The following MYO9A variants were observed in gnomAD, a reference collection of about 807,000 sequenced individuals.
MYO9A encodes the protein unconventional myosin-IXa.
MYO9A carries 103 observed loss-of-function variants against 293.3 expected under a neutral mutation model. The ratio of observed to expected loss-of-function variants is 0.35; its 90% CI spans 0.30 to 0.41. The LOEUF is 0.41. Ranked by LOEUF, MYO9A falls within the 10% of genes least tolerant of loss-of-function variation. The pLI is 1.00. For synonymous variants in MYO9A, 1,001 were observed against 1,035.7 expected (o/e 0.97, Z 0.64); for missense variants, 2,685 against 3,033.0 (o/e 0.89, Z 2.69).
At chr15:71,940,488 T>C (rs1177169356) in intron 15 of MYO9A, among the ~76,000 whole-genome samples, 3 of 151,922 alleles carry the variant, frequency 2.0e-5, no homozygotes, top group Non-Finnish European at 4.4e-5. Flanking sequence ...TGAGACCCTG[T>C]CTTGGAGCGG....
At chr15:72,031,037 C>A (rs563481143) in intron 3 of MYO9A, among the ~76,000 whole-genome samples, 2 of 152,124 alleles carry the variant, frequency 1.3e-5, no homozygotes, top group South Asian at 2.1e-4. Context: ...GGAATGTAAA[C>A]CCTATTGTGA....
intron 31 of MYO9A, 126 bp downstream of exon 31, chr15:71,877,914 T>C (rs1271905714): frequency 2.7e-6 from 2 of 727,942 alleles, no homozygotes; most frequent in East Asian, 5.7e-5. Flanking sequence ...TAAGTTGACA[T>C]GTTCCCTGTA....
At chr15:72,092,756 T>G (rs566634611) in intron 1 of MYO9A, among the ~76,000 whole-genome samples, 2 of 152,332 alleles carry the variant, frequency 1.3e-5, no homozygotes, top group South Asian at 4.1e-4. Context: ...GAATTTCATA[T>G]GATTTTCATG....
intron 18 of MYO9A, among the ~76,000 whole-genome samples, chr15:71,920,685 C>T (rs1008427881): frequency 6.6e-6 from 1 of 152,240 alleles, no homozygotes; most frequent in African/African-American, 2.4e-5. Context: ...CAGTGGCTCA[C>T]ACCTGTAATC....
Position 71,951,906 on chromosome 15 carries a change from C to G in MYO9A, c.2183-10G>C, listed in dbSNP as rs200665661. On this transcript the variant is annotated splice_polypyrimidine_tract_variant and intron_variant, in intron 14 of 41. Transcript: ENST00000356056. ...GCTGTATCATCATGTCCTTAGGAAGCAAAAAAAAACAAACAAAAAAAAAAG... is the reference window on the plus strand; with the variant it reads ...GCTGTATCATCATGTCCTTAGGAAGGAAAAAAAAACAAACAAAAAAAAAAG... 147 of 1,381,448 alleles carry G rather than the reference C, an allele frequency of 1.1e-4. No individual in the cohort carries two copies. Among genetic ancestry groups the G allele is most frequent in the Non-Finnish European group, 1.4e-4 (145 of 1,058,670 alleles). The allele number at this position is 1,381,448 out of a possible 1,614,324, so 85.6% of individuals were successfully genotyped here.
At chr15:71,834,171 C>T (rs1432589134) in intron 39 of MYO9A, among the ~76,000 whole-genome samples, 1 of 151,536 alleles carries the variant, frequency 6.6e-6, no homozygotes, top group East Asian at 1.9e-4. Flanking sequence ...TCCTGTAGAC[C>T]CAAAGAGGAT....
rs772830333 is a variant in MYO9A at position 71,859,810 on chromosome 15, G to A, written c.6092-14C>T. ...CATACTTGCATACTGAAAAATAGGT[G>A]AGGAATGCAACATTTTTAGAAGTCT... On this transcript the variant is annotated splice_polypyrimidine_tract_variant and intron_variant, in intron 33 of 41. Transcript: ENST00000356056. 1 of 1,609,888 alleles carries A rather than the reference G, an allele frequency of 6.2e-7. No individual in the cohort carries two copies.
intron 38 of MYO9A, among the ~76,000 whole-genome samples, chr15:71,849,342 G>C (rs1178393816): frequency 6.6e-6 from 1 of 152,094 alleles, no homozygotes; most frequent in Non-Finnish European, 1.5e-5. Flanking sequence ...TCAGCTACTT[G>C]GGAGGCTGAG....
chr15:72,029,515 G>C (rs541503165), intron 3 of MYO9A, among the ~76,000 whole-genome samples: 1 of 152,016 alleles, frequency 6.6e-6, no homozygotes, highest in Admixed American at 6.6e-5. Flanking sequence ...GTAAAAATAG[G>C]GTATTAAAAT....
At chr15:72,047,982 G>T (rs2078441056) in intron 1 of MYO9A, among the ~76,000 whole-genome samples, 2 of 150,426 alleles carry the variant, frequency 1.3e-5, no homozygotes, top group Non-Finnish European at 1.5e-5. Flanking sequence ...TGTTGCCCAG[G>T]GTACTATCTA....
Position 71,827,992 on chromosome 15 carries a change from G to A in MYO9A, c.7075C>T (p.Pro2359Ser), listed in dbSNP as rs750931164. 1.2e-6 allele frequency: 2 copies of A among 1,613,722 alleles called. No individual in the cohort carries two copies. Among genetic ancestry groups the A allele is most frequent in the South Asian group, 1.1e-5 (1 of 91,042 alleles). The stretch of plus-strand genomic sequence containing the variant: ...AGGGTTTCATCATCAGAGGCACGGG[G>A]TTCCAGTACAAGCATCTCAAATGTT... ...ELTFEMLVLE[P>S]RASDDETLES... The change falls in exon 41 of 42, where the codon CCC (proline) becomes TCC (serine). Residue 2359 changes from proline (P) to serine (S), a missense_variant. By Grantham distance (74) the Pro-to-Ser change is moderately conservative. Transcript: ENST00000356056.
chr15:71,912,387 C>T (rs1325569134), intron 19 of MYO9A, among the ~76,000 whole-genome samples: 3 of 152,084 alleles, frequency 2.0e-5, no homozygotes, highest in Non-Finnish European at 4.4e-5. Flanking sequence ...TCCCAAGTAG[C>T]TGGGATTACA....
intron 14 of MYO9A, among the ~76,000 whole-genome samples, chr15:71,956,860 A>AATATATAT (rs10553052): frequency 5.0e-5 from 7 of 140,346 alleles, no homozygotes; most frequent in East Asian, 4.1e-4. Flanking sequence ...CACACACACA[A>AATATATAT]ATATATATAT....
chr15:72,085,016 T>G (rs2079671353), intron 1 of MYO9A, among the ~76,000 whole-genome samples: 1 of 152,246 alleles, frequency 6.6e-6, no homozygotes, highest in East Asian at 1.9e-4. Context: ...TTTATCCATA[T>G]TCCTGCCTGA....
Position 71,873,433 on chromosome 15 carries a change from C to T in MYO9A, c.5979+2358G>A, listed in dbSNP as rs149879798. ...CTGTGAAAAAGTGTGATTGATATGC[C>T]TACTAAACAAATTCTTAGGTATGTT... is the stretch of plus-strand genomic sequence containing the variant. On this transcript the variant is annotated intron_variant, in intron 32 of 41. Coordinates refer to ENST00000356056, the MANE Select transcript of MYO9A (RefSeq NM_006901.4). 4.6e-3 allele frequency among the ~76,000 whole-genome samples: 695 copies of T among 151,998 alleles called. 4 individuals carry two copies. Among genetic ancestry groups the T allele is most frequent in the Admixed American group, 9.1e-3 (139 of 15,270 alleles).
chr15:71,915,227 T>C (rs16956385), intron 19 of MYO9A, among the ~76,000 whole-genome samples: 2,269 of 152,220 alleles, frequency 0.015, 55 homozygotes, highest in African/African-American at 0.052. Context: ...CTCTGGATTG[T>C]GAGGACAGAA....
At chr15:71,994,881 C>T (rs182868219) in intron 9 of MYO9A, among the ~76,000 whole-genome samples, 59 of 152,264 alleles carry the variant, frequency 3.9e-4, no homozygotes, top group African/African-American at 1.4e-3. Flanking sequence ...TACAGGCATG[C>T]ACCACCACGC....
intron 22 of MYO9A, among the ~76,000 whole-genome samples, chr15:71,902,626 GA>G (rs1435388059): frequency 6.6e-6 from 1 of 152,156 alleles, no homozygotes; most frequent in Non-Finnish European, 1.5e-5. Context: ...GGGTGACAGA[GA>G]AAGAAAGTAT....
At chr15:71,996,408 G>A (rs746101332) in intron 9 of MYO9A, among the ~76,000 whole-genome samples, 4 of 152,162 alleles carry the variant, frequency 2.6e-5, no homozygotes, top group East Asian at 1.9e-4. Context: ...AGGCCAATAC[G>A]ATACCTATTT....
Sources: gnomAD v4.1 joint callset for allele counts (sites outside exome capture counted in the v4.1 genomes callset) on GRCh38, gnomAD v4.1.1 for gene constraint, MANE v1.5 for transcripts, NCBI Gene and HGNC (gene_info 2026-07-23, HGNC 2026-07-21) for gene names.